The following AP1G1 variants were observed in gnomAD, a reference collection of about 807,000 sequenced individuals.
AP1G1 encodes AP-1 complex subunit gamma-1.
A neutral mutation model predicts 108.3 loss-of-function variants in AP1G1; 7 were observed. That is an observed-to-expected ratio of 0.06 (90% CI 0.04 to 0.12). AP1G1 has a LOEUF of 0.12. Ranked by LOEUF, AP1G1 falls within the 10% of genes least tolerant of loss-of-function variation. AP1G1 has a pLI of 1.00. For missense variants in AP1G1, 756 were observed against 1,010.7 expected, an observed-to-expected ratio of 0.75 and a Z score of 3.42; for synonymous variants, 379 against 353.5, an observed-to-expected ratio of 1.07 and a Z score of -0.81.
chr16:71,786,432 C>A (rs1032005862), intron 2 of AP1G1, among the ~76,000 whole-genome samples: 1 of 152,014 alleles, frequency 6.6e-6, no homozygotes, highest in African/African-American at 2.4e-5. Flanking sequence ...TCAACACCAA[C>A]CAGGGAACTG....
intron 6 of AP1G1, chr16:71,767,861 G>T: frequency 6.3e-7 from 1 of 1,598,994 alleles, no homozygotes; most frequent in Non-Finnish European, 8.5e-7. Flanking sequence ...CCATCTAAAA[G>T]AGGGTTAATT....
At chr16:71,760,364 G>A (rs758243026) in intron 10 of AP1G1, among the ~76,000 whole-genome samples, 13 of 151,642 alleles carry the variant, frequency 8.6e-5, no homozygotes, top group Non-Finnish European at 1.9e-4. Flanking sequence ...CCAACATGGT[G>A]AAACCCCGTC....
chr16:71,785,491 C>T (rs765335717), intron 2 of AP1G1, among the ~76,000 whole-genome samples: 1 of 148,458 alleles, frequency 6.7e-6, no homozygotes, highest in Non-Finnish European at 1.5e-5. Context: ...AGGAGAATCG[C>T]TTGAACCTGG....
intron 6 of AP1G1, among the ~76,000 whole-genome samples, chr16:71,768,276 T>C (rs576685115): frequency 1.4e-5 from 2 of 146,736 alleles, no homozygotes; most frequent in African/African-American, 2.5e-5. Context: ...GGCGGGTGGA[T>C]CACCTGAGGT....
At chr16:71,775,019 CTTTTT>C (rs748508767) in intron 2 of AP1G1, among the ~76,000 whole-genome samples, 1 of 69,720 alleles carries the variant, frequency 1.4e-5, no homozygotes, top group Non-Finnish European at 2.5e-5. Context: ...CCGCGCCTGG[CTTTTT>C]TTTTTTTTTT....
chr16:71,735,141 C>G (rs1053178036), intron 21 of AP1G1, among the ~76,000 whole-genome samples: 1 of 152,198 alleles, frequency 6.6e-6, no homozygotes, highest in Admixed American at 6.5e-5. Context: ...TGGTCACCAA[C>G]TATAAGCTTT....
chr16:71,773,827 C>A (rs1398149281), intron 3 of AP1G1, among the ~76,000 whole-genome samples: 2 of 150,856 alleles, frequency 1.3e-5, no homozygotes, highest in African/African-American at 2.4e-5. Context: ...CCTATAATCC[C>A]AGCTACTTGG....
chr16:71,742,353 AT>A (rs2029911879), intron 19 of AP1G1: 1 of 152,050 alleles, frequency 6.6e-6, no homozygotes, highest in Non-Finnish European at 1.5e-5. Flanking sequence ...AATTTAAAAA[AT>A]AATAATAAAA....
In AP1G1 at chr16:71,731,642, A is replaced by T. The variant is rs1567636653; in HGVS notation, c.*1416T>A. Reference sequence around the variant, plus strand: ...CACCTCTACTTCATTCCAGCAACTCAATTTCAAAGTTTGATAACATATGGG... The same window carrying T: ...CACCTCTACTTCATTCCAGCAACTCTATTTCAAAGTTTGATAACATATGGG... On this transcript the variant is annotated 3_prime_UTR_variant, in exon 23 of 23. Coordinates refer to ENST00000299980, the MANE Select transcript of AP1G1 (RefSeq NM_001128.6). 6.6e-6 allele frequency: 1 copy of T among 152,528 alleles called. No homozygotes were observed. The highest frequency in any genetic ancestry group is 2.4e-5 in the African/African-American group (1 of 41,456). 9.4% of individuals were successfully genotyped at this position (152,528 alleles called of 1,614,324 possible).
chr16:71,750,070 A>T, intron 14 of AP1G1, 87 bp from the exon 15 acceptor site: 1 of 1,480,178 alleles, frequency 6.8e-7, no homozygotes, highest in Non-Finnish European at 9.4e-7. Context: ...CATAATAAAG[A>T]TCAAAACTGT....
At chr16:71,754,011 G>GATCTCCCACCTC in intron 12 of AP1G1, 124 bp from the exon 13 acceptor site, 2 of 869,810 alleles carry the variant, frequency 2.3e-6, no homozygotes, top group Non-Finnish European at 3.8e-6. Context: ...AGGCCGAGGT[G>GATCTCCCACCTC]GGAGATCACC....
At position 71,739,107 on chromosome 16, in the gene AP1G1, GA is replaced by G; in HGVS notation, c.2108-6del. 1 of 1,614,034 alleles carries G rather than the reference GA, an allele frequency of 6.2e-7. No homozygotes were observed. Among genetic ancestry groups the G allele is most frequent in the Non-Finnish European group, 8.5e-7 (1 of 1,179,966 alleles). On this transcript the variant is annotated splice_region_variant and splice_polypyrimidine_tract_variant and intron_variant, in intron 20 of 22. Coordinates refer to ENST00000299980, the MANE Select transcript of AP1G1 (RefSeq NM_001128.6). ...ATGCTGTGATGGAGGGGATGCCTGA[GA>G]AAGTACAGGAAGATAAGTCTTATTG... is the stretch of plus-strand genomic sequence containing the variant.
chr16:71,778,070 G>GTGCA (rs1292241070), intron 2 of AP1G1, among the ~76,000 whole-genome samples: 1 of 152,112 alleles, frequency 6.6e-6, no homozygotes, highest in Non-Finnish European at 1.5e-5. Flanking sequence ...CTTCCTCTGT[G>GTGCA]TGCAGTAGGC....
intron 6 of AP1G1, chr16:71,766,552 A>T: frequency 2.7e-6 from 1 of 377,306 alleles, no homozygotes; most frequent in Admixed American, 3.3e-5. Flanking sequence ...AACTCTAATG[A>T]CCAAAAATTA....
chr16:71,756,230 A>G, intron 11 of AP1G1, 71 bp from the exon 12 acceptor site: 1 of 1,406,264 alleles, frequency 7.1e-7, no homozygotes, highest in Non-Finnish European at 9.7e-7. Flanking sequence ...CCAGGTATGC[A>G]CTCTGTGAAC....
At chr16:71,804,282 G>A (rs760020562) in intron 1 of AP1G1, among the ~76,000 whole-genome samples, 27 of 151,848 alleles carry the variant, frequency 1.8e-4, no homozygotes, top group Non-Finnish European at 3.7e-4. Context: ...TCCTGACCTC[G>A]TGATCCACCC....
Position 71,808,802 on chromosome 16 carries a change from G to A in AP1G1, c.-43C>T, listed in dbSNP as rs1177153914. 1.6e-6 allele frequency: 2 copies of A among 1,289,594 alleles called. No homozygotes were observed. Among genetic ancestry groups the A allele is most frequent in the Admixed American group, 2.3e-5 (1 of 43,542 alleles). The allele number at this position is 1,289,594 out of a possible 1,614,324, so 79.9% of individuals were successfully genotyped here. A position where few individuals can be genotyped will look rare whatever the true frequency, so the allele number is the denominator to read the frequency against. On this transcript the variant is annotated 5_prime_UTR_variant, in exon 1 of 23. Transcript: ENST00000299980. ...GAATGAAACCAGCAGCTCCGGGGGC[G>A]GCGGCAGCAGTGGCAGCAGGAACCG...
At chr16:71,765,800 C>A in intron 6 of AP1G1, 1 of 482,020 alleles carries the variant, frequency 2.1e-6, no homozygotes. Flanking sequence ...TAAAACCAAA[C>A]CAGACTTTTT....
intron 3 of AP1G1, among the ~76,000 whole-genome samples, chr16:71,774,144 G>A (rs569818827): frequency 3.4e-5 from 5 of 149,166 alleles, no homozygotes; most frequent in East Asian, 2.0e-4. Context: ...TTGGGAAGCC[G>A]AGGTGCATGG....
Sources: gnomAD v4.1 joint callset for allele counts (sites outside exome capture counted in the v4.1 genomes callset) on GRCh38, gnomAD v4.1.1 for gene constraint, MANE v1.5 for transcripts, NCBI Gene and HGNC (gene_info 2026-07-23, HGNC 2026-07-21) for gene names.